The following BARX2 variants were observed in gnomAD, a reference collection of about 807,000 sequenced individuals.
BARX2 encodes homeobox protein BarH-like 2.
In BARX2, 11 loss-of-function variants were observed where a neutral mutation model predicts 25.5. The ratio of observed to expected loss-of-function variants is 0.43; its 90% confidence interval spans 0.27 to 0.71. The LOEUF is 0.71. BARX2 is among the 30% of genes least tolerant of loss of function. The pLI is 0.19. For missense variants in BARX2, 360 were observed against 359.9 expected (o/e 1.00, Z 0.00); for synonymous variants, 137 against 149.5 (o/e 0.92, Z 0.61).
chr11:129,412,642 C>T (rs1861902015), intron 1 of BARX2, among the ~76,000 whole-genome samples: 1 of 152,150 alleles, frequency 6.6e-6, no homozygotes, highest in South Asian at 2.1e-4. Context: ...GCGGTAACTT[C>T]TGGGTCATCT....
Position 129,376,443 on chromosome 11 carries a change from A to G in BARX2, c.187+221A>G, listed in dbSNP as rs139677787. Among the ~76,000 whole-genome samples the G allele has an allele frequency of 3.2e-3, 487 of 152,342 alleles. 1 individual carries two copies. Among genetic ancestry groups the G allele is most frequent in the South Asian group, 5.0e-3 (24 of 4,830 alleles). On this transcript the variant is annotated intron_variant, in intron 1 of 3. Coordinates refer to ENST00000281437, the MANE Select transcript of BARX2 (RefSeq NM_003658.5). This position sits in a 1 kb window ranked among gnomAD's most constrained non-coding sequence, Gnocchi z 4.2. Reference sequence around the variant, plus strand: ...GTGGAAATAAAGGCGGCAGGGCCTTAGGAGTGGGCTGCTCGCGCAACGCCT... The same window carrying G: ...GTGGAAATAAAGGCGGCAGGGCCTTGGGAGTGGGCTGCTCGCGCAACGCCT...
chr11:129,397,700 G>C (rs1861735843), intron 1 of BARX2, among the ~76,000 whole-genome samples: 1 of 152,194 alleles, frequency 6.6e-6, no homozygotes, highest in Non-Finnish European at 1.5e-5. Flanking sequence ...GCACAGATGA[G>C]TAAATACGCA....
At chr11:129,422,825 T>A (rs561835657) in intron 1 of BARX2, among the ~76,000 whole-genome samples, 2 of 151,846 alleles carry the variant, frequency 1.3e-5, no homozygotes, top group Admixed American at 1.3e-4. Context: ...TGCCTCAGCC[T>A]CCCAAGTCAT....
chr11:129,392,298 T>C (rs1861673895), intron 1 of BARX2, among the ~76,000 whole-genome samples: 1 of 152,260 alleles, frequency 6.6e-6, no homozygotes, highest in South Asian at 2.1e-4. Flanking sequence ...TGCAACTTCC[T>C]GTGCACTGTC....
intron 2 of BARX2, 188 bp from the exon 3 acceptor site, chr11:129,442,647 T>G: frequency 1.5e-6 from 1 of 645,460 alleles, no homozygotes. Flanking sequence ...GTTTCTCAGC[T>G]TCCCAGAGTT....
intron 1 of BARX2, among the ~76,000 whole-genome samples, chr11:129,408,409 G>T: frequency 6.6e-6 from 1 of 152,104 alleles, no homozygotes; most frequent in East Asian, 1.9e-4. Flanking sequence ...AAGGACCACA[G>T]CCCCTCACAG....
chr11:129,436,681 C>T lies in BARX2; in HGVS notation c.188-70C>T. 6.7e-7 allele frequency: 1 copy of T among 1,485,756 alleles called. No individual in the cohort carries two copies. The highest frequency in any genetic ancestry group is 9.0e-7 in the Non-Finnish European group (1 of 1,108,452). The allele number at this position is 1,485,756 out of a possible 1,614,324, so 92.0% of individuals were successfully genotyped here. A position where few individuals can be genotyped will look rare whatever the true frequency, so the allele number is the denominator to read the frequency against. ...TGTCAGACAGACCTCAGCCAGCGGCCCTCCGCAGGTCCTGGCCTGCTTCCC... is the reference window on the plus strand; with the variant it reads ...TGTCAGACAGACCTCAGCCAGCGGCTCTCCGCAGGTCCTGGCCTGCTTCCC... On this transcript the variant is annotated intron_variant, in intron 1 of 3. Coordinates refer to ENST00000281437, the MANE Select transcript of BARX2 (RefSeq NM_003658.5). This position sits in a 1 kb window ranked among gnomAD's most constrained non-coding sequence, Gnocchi z 4.5.
chr11:129,431,494 C>T (rs1025758303), intron 1 of BARX2, among the ~76,000 whole-genome samples: 3 of 152,216 alleles, frequency 2.0e-5, no homozygotes, highest in Admixed American at 6.5e-5. Context: ...ACTGTTCTAG[C>T]AGCTGTGTAA....
chr11:129,385,360 G>C (rs868310589), intron 1 of BARX2, among the ~76,000 whole-genome samples: 1 of 152,146 alleles, frequency 6.6e-6, no homozygotes, highest in Non-Finnish European at 1.5e-5. Flanking sequence ...TCACCTGTGT[G>C]TTATGTTAGT....
At position 129,375,866 on chromosome 11, in the gene BARX2, G is replaced by C. The variant is rs1235406743; in HGVS notation, c.-170G>C. ...CTGATCTGCGGGTGGGTCTAGACGC[G>C]CGGCAGGCGCGCCCGCTACCCGCTC... On this transcript the variant is annotated 5_prime_UTR_variant, in exon 1 of 4. Coordinates refer to ENST00000281437, the MANE Select transcript of BARX2 (RefSeq NM_003658.5). This position sits in a 1 kb window ranked among gnomAD's most constrained non-coding sequence, Gnocchi z 4.0. 5.7e-6 allele frequency: 1 copy of C among 175,896 alleles called. No individual in the cohort carries two copies. The highest frequency in any genetic ancestry group is 1.1e-5 in the Non-Finnish European group (1 of 90,034). 10.9% of individuals were successfully genotyped at this position (175,896 alleles called of 1,614,324 possible).
intron 1 of BARX2, among the ~76,000 whole-genome samples, chr11:129,388,686 G>A (rs1400363467): frequency 1.3e-5 from 2 of 152,210 alleles, no homozygotes; most frequent in Non-Finnish European, 2.9e-5. Context: ...GGCTGAGCTG[G>A]AGTGGATTCT....
intron 2 of BARX2, among the ~76,000 whole-genome samples, chr11:129,440,408 A>G (rs1166486705): frequency 2.0e-5 from 3 of 152,212 alleles, no homozygotes; most frequent in Non-Finnish European, 2.9e-5. Flanking sequence ...AGCCAGAACC[A>G]TGGAGGACCC....
chr11:129,436,868 T>A lies in BARX2; in HGVS notation c.305T>A (p.Val102Asp), dbSNP rs754420707. ...GCCCAGGCACTGTCCTGCCACCAGGTCACCGAGGCGGTCTCTGCTGAGGCC... is the reference window on the plus strand; with the variant it reads ...GCCCAGGCACTGTCCTGCCACCAGGACACCGAGGCGGTCTCTGCTGAGGCC... ...GIAQALSCHQ[V>D]TEAVSAEAPG... Residue 102 changes from valine to aspartate, a missense_variant, in exon 2 of 4, where the codon GTC becomes GAC. By Grantham distance (152) the Val-to-Asp change is radical (BLOSUM62 -3). Transcript: ENST00000281437. This position sits in a 1 kb window ranked among gnomAD's most constrained non-coding sequence, Gnocchi z 4.5. The A allele has an allele frequency of 2.5e-6, 4 of 1,613,882 alleles. No homozygotes were observed. In the South Asian group the frequency reaches 4.4e-5, roughly 18 times the overall value.
chr11:129,428,642 A>G (rs773346858), intron 1 of BARX2, among the ~76,000 whole-genome samples: 5 of 152,172 alleles, frequency 3.3e-5, no homozygotes, highest in Non-Finnish European at 7.4e-5. Flanking sequence ...TCTGCTCCCC[A>G]TGGGCTTGCT....
intron 1 of BARX2, among the ~76,000 whole-genome samples, chr11:129,377,341 A>G (rs529689453): frequency 1.2e-4 from 19 of 152,354 alleles, no homozygotes; most frequent in African/African-American, 3.4e-4. Context: ...TAGTCCCTAT[A>G]TGACAATCAG....
At chr11:129,439,251 A>C (rs976880511) in intron 2 of BARX2, among the ~76,000 whole-genome samples, 2 of 152,194 alleles carry the variant, frequency 1.3e-5, no homozygotes, top group Non-Finnish European at 2.9e-5. Context: ...CAGTGGGAAC[A>C]GAGAGGCAGG....
intron 1 of BARX2, among the ~76,000 whole-genome samples, chr11:129,412,351 TTGGAATG>T: frequency 6.6e-6 from 1 of 152,190 alleles, no homozygotes; most frequent in Non-Finnish European, 1.5e-5. Flanking sequence ...ACTTTGGTAC[TTGGAATG>T]TTTATGATTC....
At chr11:129,439,295 A>ATACT (rs1190758039) in intron 2 of BARX2, among the ~76,000 whole-genome samples, 29 of 151,992 alleles carry the variant, frequency 1.9e-4, no homozygotes, top group Admixed American at 1.9e-3. Context: ...TTTTATTATT[A>ATACT]TACTTCAAGT....
At chr11:129,412,656 C>T (rs2135399100) in intron 1 of BARX2, among the ~76,000 whole-genome samples, 1 of 152,260 alleles carries the variant, frequency 6.6e-6, no homozygotes, top group Admixed American at 6.5e-5. Flanking sequence ...GTCATCTGGT[C>T]ATTGCTGTGG....
Sources: allele counts gnomAD v4.1 joint callset (sites outside exome capture counted in the v4.1 genomes callset), GRCh38; gene constraint gnomAD v4.1.1; non-coding constraint Gnocchi (gnomAD v3.1); transcripts MANE v1.5; gene names NCBI Gene and HGNC (gene_info 2026-07-23, HGNC 2026-07-21).